The following DKK2 variants were observed in gnomAD, a reference collection of about 807,000 sequenced individuals.
The protein encoded by DKK2 is dickkopf Wnt signaling pathway inhibitor 2.
In DKK2, 11 loss-of-function variants were observed where a neutral mutation model predicts 28.1. That is an observed-to-expected ratio of 0.39 (90% CI 0.25 to 0.65). DKK2 has a LOEUF of 0.65. Among genes scored for constraint, DKK2 ranks in the 30% least tolerant of loss-of-function variants. The probability of loss-of-function intolerance (pLI) is 0.47; values close to 1 mark genes in which losing one functional copy is unlikely to be tolerated. For missense variants in DKK2, 326 were observed against 335.5 expected, an observed-to-expected ratio of 0.97 and a Z score of 0.22; for synonymous variants, 135 against 126.5, an observed-to-expected ratio of 1.07 and a Z score of -0.45.
At chr4:107,021,504 A>C (rs1463496414) in intron 1 of DKK2, among the ~76,000 whole-genome samples, 1 of 152,054 alleles carries the variant, frequency 6.6e-6, no homozygotes, top group Admixed American at 6.6e-5. Context: ...CAAATGTCTT[A>C]GTTTGATATA....
chr4:107,035,403 G>A lies in DKK2; in HGVS notation c.189C>T (p.Phe63=). Residue 63 remains phenylalanine, a synonymous_variant, in exon 1 of 4, where the codon TTC becomes TTT. Transcript: ENST00000285311. ...GGTTTTTGCCCTTCTTACTGCCGCC[G>A]AATGCCAGTCCTTGGTACATGCCCG... ...RSAGMYQGLA[F]GGSKKGKNLG... 2.5e-6 allele frequency: 4 copies of A among 1,614,192 alleles called. No homozygotes were observed. The highest frequency in any genetic ancestry group is 1.3e-5 in the African/African-American group (1 of 75,054).
At chr4:106,980,799 A>G (rs1021706270) in intron 1 of DKK2, among the ~76,000 whole-genome samples, 8 of 152,212 alleles carry the variant, frequency 5.3e-5, no homozygotes, top group Non-Finnish European at 1.0e-4. Context: ...ACTAAGTGCT[A>G]CATGCCAGCT....
chr4:107,019,579 T>C (rs760508745), intron 1 of DKK2, among the ~76,000 whole-genome samples: 1 of 152,210 alleles, frequency 6.6e-6, no homozygotes, highest in South Asian at 2.1e-4. Context: ...ACATTAATGC[T>C]GTATGTAGGA....
intron 1 of DKK2, among the ~76,000 whole-genome samples, chr4:107,003,095 GTTC>G (rs998362888): frequency 6.6e-6 from 1 of 152,186 alleles, no homozygotes; most frequent in African/African-American, 2.4e-5. Flanking sequence ...GCAGGAAGGG[GTTC>G]TTCTGAATGA....
intron 1 of DKK2, among the ~76,000 whole-genome samples, chr4:106,945,217 A>G (rs540840442): frequency 6.6e-6 from 1 of 152,286 alleles, no homozygotes; most frequent in African/African-American, 2.4e-5. Flanking sequence ...TTGGAACTGT[A>G]CTTTTATTAA....
Position 106,923,699 on chromosome 4 carries a change from A to G in DKK2, c.*255T>C. On this transcript the variant is annotated 3_prime_UTR_variant, in exon 4 of 4. Transcript: ENST00000285311. ...CCACTGTGTGCTTGTTCTCTTAATA[A>G]TAGCATTTTCCACAAATGTGTACAT... 2.2e-6 allele frequency: 1 copy of G among 456,762 alleles called. No individual in the cohort carries two copies. Among genetic ancestry groups the G allele is most frequent in the Non-Finnish European group, 3.9e-6 (1 of 254,928 alleles). 28.3% of individuals were successfully genotyped at this position (456,762 alleles called of 1,614,324 possible).
intron 1 of DKK2, among the ~76,000 whole-genome samples, chr4:106,939,767 A>G (rs1724664087): frequency 6.6e-6 from 1 of 152,240 alleles, no homozygotes; most frequent in Admixed American, 6.5e-5. Context: ...AGAGATATAG[A>G]TCAATGGAAC....
chr4:106,923,213 T>C lies in DKK2; in HGVS notation c.*741A>G, dbSNP rs1475191612. The C allele has an allele frequency of 6.6e-6, 1 of 152,220 alleles. No individual in the cohort carries two copies. The highest frequency in any genetic ancestry group is 1.5e-5 in the Non-Finnish European group (1 of 68,060). The allele number at this position is 152,220 out of a possible 1,614,324, so 9.4% of individuals were successfully genotyped here. ...AGAGATATACTGTCATTCCGTAGAA[T>C]CTGAAGGAACTGTTTTTGTCTTGTA... On this transcript the variant is annotated 3_prime_UTR_variant, in exon 4 of 4. Coordinates refer to ENST00000285311, the MANE Select transcript of DKK2 (RefSeq NM_014421.3).
intron 1 of DKK2, among the ~76,000 whole-genome samples, chr4:106,961,288 A>G (rs1437007925): frequency 6.6e-6 from 1 of 152,152 alleles, no homozygotes; most frequent in Non-Finnish European, 1.5e-5. Context: ...TCTTTTAGAA[A>G]AAAGGATTTT....
chr4:106,967,793 A>G (rs1722804272), intron 1 of DKK2, among the ~76,000 whole-genome samples: 1 of 150,960 alleles, frequency 6.6e-6, no homozygotes, highest in Non-Finnish European at 1.5e-5. Flanking sequence ...TAAAAGAGAA[A>G]GGAGGGGAGA....
chr4:106,994,883 T>C (rs778200676), intron 1 of DKK2, among the ~76,000 whole-genome samples: 19 of 152,218 alleles, frequency 1.2e-4, no homozygotes, highest in Non-Finnish European at 2.8e-4. Context: ...TGCAGTTAAC[T>C]CAGCTCAAAC....
chr4:106,930,606 G>A (rs1432599392), intron 1 of DKK2, among the ~76,000 whole-genome samples: 1 of 152,170 alleles, frequency 6.6e-6, no homozygotes, highest in Non-Finnish European at 1.5e-5. Flanking sequence ...GTTCATGTGG[G>A]ATGGCCACCC....
intron 1 of DKK2, among the ~76,000 whole-genome samples, chr4:106,942,982 G>A (rs539863203): frequency 2.6e-5 from 4 of 152,084 alleles, no homozygotes; most frequent in South Asian, 2.1e-4. Context: ...CCAGCTGTAC[G>A]GTACTACTTG....
intron 1 of DKK2, among the ~76,000 whole-genome samples, chr4:106,987,427 C>T (rs917481604): frequency 2.0e-5 from 3 of 152,138 alleles, no homozygotes; most frequent in Admixed American, 6.5e-5. Flanking sequence ...TGTCTAACAC[C>T]CACGTCCCTT....
chr4:107,023,293 G>A (rs1334415587), intron 1 of DKK2, among the ~76,000 whole-genome samples: 1 of 151,920 alleles, frequency 6.6e-6, no homozygotes, highest in Non-Finnish European at 1.5e-5. Flanking sequence ...CATTTATTTT[G>A]GAAAACGATT....
chr4:107,027,756 A>ATTTTTTTTTTTTTTTTTTTTTTTTT (rs71590176), intron 1 of DKK2, among the ~76,000 whole-genome samples: 15 of 135,318 alleles, frequency 1.1e-4, no homozygotes, highest in African/African-American at 3.6e-4. Context: ...ACCTATTATG[A>ATTTTTTTTTTTTTTTTTTTTTTTTT]TTTTTTTTTT....
intron 1 of DKK2, among the ~76,000 whole-genome samples, chr4:106,964,964 G>T (rs561166913): frequency 0.011 from 1,386 of 120,670 alleles, 8 homozygotes; most frequent in Non-Finnish European, 0.018. Flanking sequence ...GATAGATATA[G>T]ATAGATAGAT....
At chr4:106,954,765 C>T (rs959182100) in intron 1 of DKK2, among the ~76,000 whole-genome samples, 5 of 152,166 alleles carry the variant, frequency 3.3e-5, no homozygotes, top group Admixed American at 2.6e-4. Context: ...TCGTGATCTG[C>T]CTGCCTCGCC....
chr4:106,964,614 A>G (rs1423695637), intron 1 of DKK2, among the ~76,000 whole-genome samples: 1 of 152,164 alleles, frequency 6.6e-6, no homozygotes. Flanking sequence ...AAAATATCAC[A>G]TGTGCCCTAT....
Sources: gnomAD v4.1 joint callset for allele counts (sites outside exome capture counted in the v4.1 genomes callset) on GRCh38, gnomAD v4.1.1 for gene constraint, MANE v1.5 for transcripts, NCBI Gene and HGNC (gene_info 2026-07-23, HGNC 2026-07-21) for gene names.